The following GRM5 variants were observed in gnomAD, a reference collection of about 807,000 sequenced individuals.
GRM5 encodes glutamate metabotropic receptor 5.
In GRM5, 19 loss-of-function variants were observed where a neutral mutation model predicts 83.1. That is an observed-to-expected ratio of 0.23 (90% confidence interval 0.16 to 0.34). The LOEUF is 0.34. Among genes scored for constraint, GRM5 ranks in the 10% least tolerant of loss-of-function variants. The pLI is 1.00. For missense variants in GRM5, 1,160 were observed against 1,588.3 expected, an observed-to-expected ratio of 0.73 and a Z score of 4.58; for synonymous variants, 675 against 633.6, an observed-to-expected ratio of 1.07 and a Z score of -0.98.
chr11:89,052,167 A>G (rs906614365), intron 1 of GRM5, among the ~76,000 whole-genome samples: 13 of 152,342 alleles, frequency 8.5e-5, no homozygotes, highest in Admixed American at 2.6e-4. Flanking sequence ...ATATCCATGT[A>G]AAGATGTCAA....
intron 3 of GRM5, among the ~76,000 whole-genome samples, chr11:88,668,471 G>C (rs1251997685): frequency 6.6e-6 from 1 of 151,858 alleles, no homozygotes; most frequent in Admixed American, 6.6e-5. Context: ...CAGAAAAACA[G>C]TAATATCTAA....
At chr11:88,556,324 C>CTTTTCTTT (rs1565337272) in intron 8 of GRM5, among the ~76,000 whole-genome samples, 1 of 129,756 alleles carries the variant, frequency 7.7e-6, no homozygotes, top group Non-Finnish European at 1.7e-5. Flanking sequence ...CTTTTCTTTT[C>CTTTTCTTT]TTTTTTTTTT....
chr11:88,743,594 C>A (rs894222167), intron 3 of GRM5, among the ~76,000 whole-genome samples: 1 of 152,082 alleles, frequency 6.6e-6, no homozygotes, highest in African/African-American at 2.4e-5. Context: ...TGGACTCTCA[C>A]AGGCTGAATG....
chr11:88,707,043 G>T (rs113520677), intron 3 of GRM5, among the ~76,000 whole-genome samples: 158 of 152,096 alleles, frequency 1.0e-3, no homozygotes, highest in African/African-American at 3.6e-3. Context: ...ATTCTGCATC[G>T]CTCTGCACAA....
intron 3 of GRM5, among the ~76,000 whole-genome samples, chr11:88,838,104 A>AAAAAAAAAAAAAAAAT (rs1195564161): frequency 6.6e-6 from 1 of 150,910 alleles, no homozygotes; most frequent in Admixed American, 6.6e-5. Flanking sequence ...AAAAAAAAAA[A>AAAAAAAAAAAAAAAAT]AAAAAGATAT....
chr11:88,514,824 A>C (rs1941479417), intron 9 of GRM5, among the ~76,000 whole-genome samples: 1 of 152,170 alleles, frequency 6.6e-6, no homozygotes, highest in African/African-American at 2.4e-5. Context: ...AGCATGGATA[A>C]GCAAATCTCA....
At chr11:88,621,647 T>A (rs1938637681) in intron 4 of GRM5, among the ~76,000 whole-genome samples, 1 of 152,202 alleles carries the variant, frequency 6.6e-6, no homozygotes, top group Admixed American at 6.5e-5. Flanking sequence ...TTTGAAAATT[T>A]GAGAATTACT....
intron 4 of GRM5, among the ~76,000 whole-genome samples, chr11:88,642,907 C>T (rs1021781812): frequency 6.6e-6 from 1 of 152,074 alleles, no homozygotes; most frequent in Admixed American, 6.6e-5. Context: ...TAAACTTTCC[C>T]TTATCTTCCT....
intron 7 of GRM5, among the ~76,000 whole-genome samples, chr11:88,581,586 AT>A (rs1228670710): frequency 3.9e-5 from 6 of 152,234 alleles, no homozygotes; most frequent in Non-Finnish European, 7.3e-5. Flanking sequence ...TTTGCCATAA[AT>A]TCAACTTCCT....
At chr11:88,845,725 G>C (rs1407588172) in intron 3 of GRM5, among the ~76,000 whole-genome samples, 16 of 147,324 alleles carry the variant, frequency 1.1e-4, no homozygotes, top group African/African-American at 3.4e-4. Flanking sequence ...GAACCACCGC[G>C]CCCCCCCCCA....
intron 2 of GRM5, among the ~76,000 whole-genome samples, chr11:88,906,539 C>A (rs999933786): frequency 9.2e-5 from 14 of 151,996 alleles, no homozygotes; most frequent in African/African-American, 3.1e-4. Context: ...ATTTTACTTT[C>A]TAGACAGGAG....
At chr11:88,864,860 G>A (rs1239121941) in intron 2 of GRM5, among the ~76,000 whole-genome samples, 1 of 152,000 alleles carries the variant, frequency 6.6e-6, no homozygotes, top group Non-Finnish European at 1.5e-5. Context: ...AGTTTATTGA[G>A]AGTTTTTAGC....
chr11:88,967,009 T>C (rs1938996215), intron 2 of GRM5, among the ~76,000 whole-genome samples: 1 of 152,070 alleles, frequency 6.6e-6, no homozygotes, highest in Admixed American at 6.6e-5. Context: ...AAAATGTATG[T>C]GTGGAATTCA....
intron 2 of GRM5, among the ~76,000 whole-genome samples, chr11:89,003,236 G>T (rs1033555340): frequency 2.6e-5 from 4 of 152,102 alleles, no homozygotes; most frequent in East Asian, 1.9e-4. Flanking sequence ...AAATATTGCA[G>T]TTGGGGTGAG....
At chr11:89,005,928 G>C (rs963820058) in intron 2 of GRM5, among the ~76,000 whole-genome samples, 4 of 152,120 alleles carry the variant, frequency 2.6e-5, no homozygotes, top group Non-Finnish European at 5.9e-5. Context: ...CAGTCTAGTA[G>C]AGAAAGAATA....
intron 9 of GRM5, among the ~76,000 whole-genome samples, chr11:88,512,587 G>A (rs1330380741): frequency 1.3e-5 from 2 of 152,154 alleles, no homozygotes; most frequent in East Asian, 1.9e-4. Flanking sequence ...CCACTGTGGG[G>A]TGTCATGGAA....
chr11:88,584,170 TA>T (rs140866056), intron 7 of GRM5, among the ~76,000 whole-genome samples: 6,688 of 151,366 alleles, frequency 0.044, 157 homozygotes, highest in Middle Eastern at 0.071. Context: ...AAATCTATAT[TA>T]AAAAATGTTA....
At chr11:89,064,888 CTGTGTG>C (rs71464050) in intron 1 of GRM5, among the ~76,000 whole-genome samples, 22 of 62,242 alleles carry the variant, frequency 3.5e-4, no homozygotes, top group Middle Eastern at 0.014. Flanking sequence ...CTCTCTCTCT[CTGTGTG>C]TGTGTGTGTG....
In GRM5 at chr11:88,689,461, A is replaced by T. The variant is rs72956782; in HGVS notation, c.912-36058T>A. Reference sequence around the variant, plus strand: ...AGAACTGAAGTGATGAAAGTAAGTTATAGGTGAAAGGAACAGTATAAATAC... The same window carrying T: ...AGAACTGAAGTGATGAAAGTAAGTTTTAGGTGAAAGGAACAGTATAAATAC... On this transcript the variant is annotated intron_variant, in intron 3 of 9. Transcript: ENST00000305447. 8.0e-3 allele frequency among the ~76,000 whole-genome samples: 1,216 copies of T among 152,350 alleles called. 6 individuals carry two copies. The highest frequency in any genetic ancestry group is 0.014 in the Non-Finnish European group (932 of 68,024).
Sources: allele counts gnomAD v4.1 joint callset (sites outside exome capture counted in the v4.1 genomes callset), GRCh38; gene constraint gnomAD v4.1.1; transcripts MANE v1.5; gene names NCBI Gene and HGNC (gene_info 2026-07-23, HGNC 2026-07-21).